The following DENND4C variants were observed in gnomAD, a reference collection of about 807,000 sequenced individuals.
DENND4C encodes DENN domain-containing protein 4C.
In DENND4C, 108 loss-of-function variants were observed where a neutral mutation model predicts 203.0. The ratio of observed to expected loss-of-function variants is 0.53; its 90% CI spans 0.46 to 0.62. The LOEUF (loss-of-function observed/expected upper bound fraction) is 0.62. DENND4C is among the 20% of genes least tolerant of loss of function. The probability of loss-of-function intolerance (pLI) is 0.00; values close to 1 mark genes in which losing one functional copy is unlikely to be tolerated. For missense variants in DENND4C, 2,481 were observed against 2,301.2 expected (o/e 1.08, Z -1.60); for synonymous variants, 871 against 792.4 (o/e 1.10, Z -1.67).
intron 28 of DENND4C, among the ~76,000 whole-genome samples, chr9:19,359,485 A>G (rs1826025722): frequency 6.6e-6 from 1 of 151,930 alleles, no homozygotes; most frequent in South Asian, 2.1e-4. Flanking sequence ...TCCTTTTGAC[A>G]CAACTCTAGT....
chr9:19,241,272 T>C (rs1823632324), intron 1 of DENND4C, among the ~76,000 whole-genome samples: 1 of 152,242 alleles, frequency 6.6e-6, no homozygotes, highest in African/African-American at 2.4e-5. Flanking sequence ...TTAAAATGTT[T>C]GTTGTTTTTT....
At chr9:19,319,213 A>G (rs142125970) in intron 12 of DENND4C, among the ~76,000 whole-genome samples, 5,500 of 145,892 alleles carry the variant, frequency 0.038, 330 homozygotes, top group African/African-American at 0.13. Flanking sequence ...ACATATATGT[A>G]TATATATATA....
chr9:19,304,734 A>T lies in DENND4C; in HGVS notation c.1312-618A>T, dbSNP rs1335030305. The stretch of plus-strand genomic sequence containing the variant: ...TGTACTTTTTTTTTTTTTTTTTAGT[A>T]GAGACGGGGTTTCACCTTGTTAGCC... On this transcript the variant is annotated intron_variant, in intron 9 of 32. Coordinates refer to ENST00000434457, the MANE Select transcript of DENND4C (RefSeq NM_001330640.2). Among the ~76,000 whole-genome samples the T allele has an allele frequency of 2.8e-5, 4 of 144,238 alleles. No homozygotes were observed. In the East Asian group the frequency reaches 6.0e-4, roughly 22 times the overall value. 94.6% of individuals were successfully genotyped at this position (144,238 alleles called of 152,430 possible).
Position 19,298,085 on chromosome 9 carries a change from C to G in DENND4C, c.1070C>G (p.Pro357Arg). The change falls in exon 7 of 33, where the codon CCT (proline) becomes CGT (arginine). Residue 357 changes from proline to arginine, a missense_variant. By Grantham distance (103) the Pro-to-Arg change is moderately radical. Around this residue, in one of 3 missense-constraint regions of DENND4C, gnomAD observed 2,289 missense variants for 2,113.3 expected, o/e 1.08. Transcript: ENST00000434457. Reference sequence around the variant, plus strand: ...ATTTCACATTTTATGCAAAACATCCCTTTTCCTTCACCACAAAGACCGAGA... The same window carrying G: ...ATTTCACATTTTATGCAAAACATCCGTTTTCCTTCACCACAAAGACCGAGA... The part of the protein sequence containing the change: ...KHISHFMQNI[P>R]FPSPQRPRIL... 2 of 1,608,202 alleles carry G rather than the reference C, an allele frequency of 1.2e-6. No individual in the cohort carries two copies. The highest frequency in any genetic ancestry group is 1.7e-6 in the Non-Finnish European group (2 of 1,177,164).
intron 1 of DENND4C, among the ~76,000 whole-genome samples, chr9:19,258,185 A>G (rs2383089): frequency 0.61 from 92,417 of 151,886 alleles, 28,445 homozygotes; most frequent in South Asian, 0.76. Flanking sequence ...ATAGCCTCGT[A>G]TGTGTTAAAG....
chr9:19,317,612 T>C (rs1465314707), intron 12 of DENND4C, among the ~76,000 whole-genome samples: 1 of 152,212 alleles, frequency 6.6e-6, no homozygotes, highest in East Asian at 1.9e-4. Context: ...CTTTTGTCCT[T>C]TATCTTTTCT....
At chr9:19,234,208 C>T (rs116609981) in intron 1 of DENND4C, among the ~76,000 whole-genome samples, 2,038 of 151,964 alleles carry the variant, frequency 0.013, 18 homozygotes, top group Middle Eastern at 0.02. Flanking sequence ...AGTAATTCCA[C>T]TTTCTTACTC....
Position 19,346,655 on chromosome 9 carries a change from G to A in DENND4C, c.3886G>A (p.Gly1296Ser), listed in dbSNP as rs1266539848. 1.2e-6 allele frequency: 2 copies of A among 1,613,980 alleles called. No homozygotes were observed. The highest frequency in any genetic ancestry group is 1.3e-5 in the African/African-American group (1 of 74,910). ...ESYMNLKSPL[G>S]SKSSSMELHR... ...CTATATGAACCTAAAAAGTCCCCTAGGTAGTAAATCTTCTAGTATGGAATT... is the reference window on the plus strand; with the variant it reads ...CTATATGAACCTAAAAAGTCCCCTAAGTAGTAAATCTTCTAGTATGGAATT... The change falls in exon 23 of 33, where the codon GGT (glycine) becomes AGT (serine). Residue 1296 changes from glycine (G) to serine (S), a missense_variant. Gly to Ser is a moderately conservative substitution (Grantham distance 56). Transcript: ENST00000434457.
At chr9:19,270,901 A>G (rs1456389805) in intron 1 of DENND4C, among the ~76,000 whole-genome samples, 1 of 152,258 alleles carries the variant, frequency 6.6e-6, no homozygotes, top group African/African-American at 2.4e-5. Context: ...TATGAGATCA[A>G]TATGTAAAAA....
At chr9:19,290,037 A>T (rs1327674630) in intron 4 of DENND4C, among the ~76,000 whole-genome samples, 1 of 152,168 alleles carries the variant, frequency 6.6e-6, no homozygotes, top group Non-Finnish European at 1.5e-5. Context: ...TTTGGGCTCA[A>T]AATTCTACTA....
intron 16 of DENND4C, among the ~76,000 whole-genome samples, chr9:19,329,693 C>T (rs944411959): frequency 2.6e-5 from 4 of 152,188 alleles, no homozygotes; most frequent in African/African-American, 9.7e-5. Context: ...AGTTTCACAA[C>T]ATATCCTTGT....
chr9:19,263,605 A>G (rs1829865156), intron 1 of DENND4C, among the ~76,000 whole-genome samples: 1 of 147,546 alleles, frequency 6.8e-6, no homozygotes. Context: ...TGTTTTGTTG[A>G]GGAATTTTGC....
In DENND4C at chr9:19,328,011, ATTTT is replaced by A; in HGVS notation, c.2121-11_2121-8del. The A allele has an allele frequency of 1.6e-6, 2 of 1,215,738 alleles. No individual in the cohort carries two copies. The highest frequency in any genetic ancestry group is 2.3e-6 in the Non-Finnish European group (2 of 887,822). The allele number at this position is 1,215,738 out of a possible 1,614,324, so 75.3% of individuals were successfully genotyped here. A position where few individuals can be genotyped will look rare whatever the true frequency, so the allele number is the denominator to read the frequency against. ...TGGTGTGTTTTAAATCAGCAGTTCT[ATTTT>A]TTTTTTTATTTTAGTTACAAATACT... On this transcript the variant is annotated splice_polypyrimidine_tract_variant and intron_variant, in intron 15 of 32. Transcript: ENST00000434457.
At position 19,276,178 on chromosome 9, in the gene DENND4C, A is replaced by G. The variant is rs1564110469; in HGVS notation, c.4A>G (p.Ile2Val). 2 of 1,231,754 alleles carry G rather than the reference A, an allele frequency of 1.6e-6. No homozygotes were observed. The highest frequency in any genetic ancestry group is 2.0e-6 in the Non-Finnish European group (2 of 987,728). The allele number at this position is 1,231,754 out of a possible 1,614,324, so 76.3% of individuals were successfully genotyped here. The change falls in exon 2 of 33, where the codon ATA becomes GTA. Residue 2 changes from isoleucine (I) to valine (V), a missense_variant. Ile to Val is a conservative substitution (Grantham distance 29, BLOSUM62 3). Coordinates refer to ENST00000434457, the MANE Select transcript of DENND4C (RefSeq NM_001330640.2). M[I>V]EDKGPRVTDY... ...TCTAGAAAATACAGTAGCAGCCATG[A>G]TAGAAGACAAAGGACCAAGAGTGAC...
chr9:19,275,012 T>TG (rs914084412), intron 1 of DENND4C, among the ~76,000 whole-genome samples: 1 of 152,240 alleles, frequency 6.6e-6, no homozygotes, highest in African/African-American at 2.4e-5. Context: ...AGTCTTGCTC[T>TG]GTTGTCCAGG....
At chr9:19,281,407 A>G (rs2130999730) in intron 2 of DENND4C, among the ~76,000 whole-genome samples, 1 of 151,642 alleles carries the variant, frequency 6.6e-6, no homozygotes. Flanking sequence ...CTCTTTCCTC[A>G]CTCTAGTGTG....
chr9:19,372,975 AT>A lies in DENND4C; in HGVS notation c.*804del, dbSNP rs1212730128. Reference sequence around the variant, plus strand: ...TCTAAGTGTATATTTATTAAAATAGATTGCATGTTGCAATACGGTTTTCTGA... The same window carrying A: ...TCTAAGTGTATATTTATTAAAATAGATGCATGTTGCAATACGGTTTTCTGA... On this transcript the variant is annotated 3_prime_UTR_variant, in exon 33 of 33. Transcript: ENST00000434457. The A allele has an allele frequency of 6.6e-6, 1 of 152,020 alleles. No homozygotes were observed. Among genetic ancestry groups the A allele is most frequent in the Non-Finnish European group, 1.5e-5 (1 of 68,018 alleles). The allele number at this position is 152,020 out of a possible 1,614,324, so 9.4% of individuals were successfully genotyped here.
chr9:19,294,876 G>A (rs1379844875), intron 5 of DENND4C, among the ~76,000 whole-genome samples: 1 of 152,150 alleles, frequency 6.6e-6, no homozygotes, highest in African/African-American at 2.4e-5. Context: ...GAGATTACCA[G>A]GGACTTGGAT....
At chr9:19,328,657 GTCTATCTATCTA>G (rs60484849) in intron 16 of DENND4C, among the ~76,000 whole-genome samples, 91 of 119,374 alleles carry the variant, frequency 7.6e-4, no homozygotes, top group Middle Eastern at 4.8e-3. Context: ...CTGTCTGTCT[GTCTATCTATCTA>G]TCTATCTATC....
Sources: allele counts gnomAD v4.1 joint callset (sites outside exome capture counted in the v4.1 genomes callset), GRCh38; gene constraint gnomAD v4.1.1; regional missense constraint gnomAD v4.1.1; transcripts MANE v1.5; gene names NCBI Gene and HGNC (gene_info 2026-07-23, HGNC 2026-07-21).